The following GLIS1 variants were observed in gnomAD, a reference collection of about 807,000 sequenced individuals.
GLIS1 encodes GLIS family zinc finger 1, also known as zinc finger protein GLIS1.
A neutral mutation model predicts 63.8 loss-of-function variants in GLIS1; 24 were observed. The observed-to-expected ratio is 0.38, with a 90% CI of 0.27 to 0.53. GLIS1 has a LOEUF of 0.53. GLIS1 is among the 20% of genes least tolerant of loss of function. GLIS1 has a pLI of 0.85. For missense variants in GLIS1, 1,036 were observed against 1,074.1 expected (o/e 0.96, Z 0.50); for synonymous variants, 450 against 482.5 (o/e 0.93, Z 0.88).
chr1:53,683,307 A>AT (rs1646296569), intron 2 of GLIS1, among the ~76,000 whole-genome samples: 1 of 150,996 alleles, frequency 6.6e-6, no homozygotes, highest in African/African-American at 2.4e-5. Flanking sequence ...CACCGCGTGA[A>AT]TGTGATTATA....
chr1:53,675,741 G>C (rs545095265), intron 2 of GLIS1, among the ~76,000 whole-genome samples: 1 of 152,162 alleles, frequency 6.6e-6, no homozygotes, highest in Admixed American at 6.5e-5. Flanking sequence ...CTCTCACACA[G>C]AGGCACAGAG....
intron 2 of GLIS1, among the ~76,000 whole-genome samples, chr1:53,620,625 G>A (rs1208740181): frequency 2.0e-5 from 3 of 152,360 alleles, no homozygotes; most frequent in Non-Finnish European, 2.9e-5. Flanking sequence ...GCTCTCATCC[G>A]CAGCTGGGCC....
chr1:53,569,406 T>C (rs1239290808), intron 4 of GLIS1, among the ~76,000 whole-genome samples: 1 of 152,124 alleles, frequency 6.6e-6, no homozygotes, highest in Non-Finnish European at 1.5e-5. Context: ...GGCAGGGGTA[T>C]AGGGTAACTC....
intron 2 of GLIS1, among the ~76,000 whole-genome samples, chr1:53,621,852 C>T (rs535203056): frequency 6.6e-6 from 1 of 152,118 alleles, no homozygotes; most frequent in African/African-American, 2.4e-5. Context: ...CTCACTCTCG[C>T]CAGGTTGGAG....
At chr1:53,676,928 C>A (rs1646218817) in intron 2 of GLIS1, among the ~76,000 whole-genome samples, 1 of 152,216 alleles carries the variant, frequency 6.6e-6, no homozygotes, top group African/African-American at 2.4e-5. Context: ...GCCTTCAAAT[C>A]CCACTTACCG....
chr1:53,583,826 C>A (rs1388637291), intron 4 of GLIS1, among the ~76,000 whole-genome samples: 2 of 152,140 alleles, frequency 1.3e-5, no homozygotes, highest in Admixed American at 1.3e-4. Flanking sequence ...ATTGTGGGGA[C>A]GGGTGGAAAA....
intron 2 of GLIS1, among the ~76,000 whole-genome samples, chr1:53,687,893 G>T (rs556991536): frequency 6.6e-6 from 1 of 152,172 alleles, no homozygotes; most frequent in East Asian, 1.9e-4. Context: ...ACCCCAACTC[G>T]GGGAGCTGGT....
Position 53,506,431 on chromosome 1 carries a change from G to A in GLIS1, c.*188C>T. 1 of 614,396 alleles carries A rather than the reference G, an allele frequency of 1.6e-6. No individual in the cohort carries two copies. Among genetic ancestry groups the A allele is most frequent in the Non-Finnish European group, 2.8e-6 (1 of 351,848 alleles). The allele number at this position is 614,396 out of a possible 1,614,324, so 38.1% of individuals were successfully genotyped here. ...CCTGGCGGGCACCTCTGTGCGCCCAGCTCAAGCTCGGATGGCGGCTCCCTG... is the reference window on the plus strand; with the variant it reads ...CCTGGCGGGCACCTCTGTGCGCCCAACTCAAGCTCGGATGGCGGCTCCCTG... On this transcript the variant is annotated 3_prime_UTR_variant, in exon 11 of 11. Transcript: ENST00000628545.
At position 53,601,008 on chromosome 1, in the gene GLIS1, C is replaced by T. The variant is rs867886551; in HGVS notation, c.260-730G>A. ...AGTCAGGCGTGCTTGTTCTAAGCTC[C>T]TTCCCCTCTCTGGGCCTCAGTTTTC... On this transcript the variant is annotated intron_variant, in intron 2 of 10. Coordinates refer to ENST00000628545, the MANE Select transcript of GLIS1 (RefSeq NM_001367484.1). Among the ~76,000 whole-genome samples, 3 of 152,002 alleles carry T rather than the reference C, an allele frequency of 2.0e-5. No homozygotes were observed. The South Asian group carries it at 6.2e-4, about 32-fold the overall frequency.
intron 8 of GLIS1, among the ~76,000 whole-genome samples, chr1:53,513,233 C>A (rs1415295690): frequency 1.3e-5 from 2 of 152,146 alleles, no homozygotes; most frequent in Non-Finnish European, 2.9e-5. Context: ...GCCTTCCGGG[C>A]TCCCCCTCCC....
At chr1:53,675,335 T>C (rs1227630830) in intron 2 of GLIS1, among the ~76,000 whole-genome samples, 1 of 152,142 alleles carries the variant, frequency 6.6e-6, no homozygotes, top group East Asian at 1.9e-4. Flanking sequence ...TTTAGAGATG[T>C]GGCTCAGAGA....
chr1:53,509,235 G>A lies in GLIS1; in HGVS notation c.2115C>T (p.Cys705=). 1 of 1,595,838 alleles carries A rather than the reference G, an allele frequency of 6.3e-7. No homozygotes were observed. Reference sequence around the variant, plus strand: ...CGGCTGCTGGTTCAGCCATCCGGTAGCAGTCGCCATAGGGGAAGCAACTCT... The same window carrying A: ...CGGCTGCTGGTTCAGCCATCCGGTAACAGTCGCCATAGGGGAAGCAACTCT... ...SIQSCFPYGD[C]YRMAEPAAGG... The change falls in exon 10 of 11, where the codon TGC becomes TGT. Residue 705 remains cysteine (C), a synonymous_variant. Coordinates refer to ENST00000628545, the MANE Select transcript of GLIS1 (RefSeq NM_001367484.1).
chr1:53,645,319 T>C (rs1645832762), intron 2 of GLIS1, among the ~76,000 whole-genome samples: 1 of 152,226 alleles, frequency 6.6e-6, no homozygotes, highest in African/African-American at 2.4e-5. Context: ...TGCTCATTTG[T>C]TTCTGTTTCA....
intron 7 of GLIS1, among the ~76,000 whole-genome samples, chr1:53,518,095 G>T (rs146656790): frequency 7.3e-4 from 111 of 152,294 alleles, no homozygotes; most frequent in African/African-American, 2.5e-3. Flanking sequence ...TCTGCCCTGC[G>T]GCCTGCAGAA....
chr1:53,638,918 G>A (rs1252891273), intron 2 of GLIS1, among the ~76,000 whole-genome samples: 2 of 152,150 alleles, frequency 1.3e-5, no homozygotes, highest in Non-Finnish European at 2.9e-5. Flanking sequence ...GACAATCACA[G>A]TCCCTCTTGT....
chr1:53,555,416 G>C (rs1644809010), intron 4 of GLIS1, among the ~76,000 whole-genome samples: 1 of 152,108 alleles, frequency 6.6e-6, no homozygotes, highest in Admixed American at 6.5e-5. Flanking sequence ...TGCAGTCCCA[G>C]CTACTCGGGA....
At chr1:53,599,410 C>T (rs766817451) in intron 3 of GLIS1, among the ~76,000 whole-genome samples, 5 of 152,184 alleles carry the variant, frequency 3.3e-5, no homozygotes, top group South Asian at 4.1e-4. Context: ...TAATGCCCTG[C>T]GCCACCTCGG....
At chr1:53,664,044 G>A (rs1646061410) in intron 2 of GLIS1, among the ~76,000 whole-genome samples, 1 of 152,190 alleles carries the variant, frequency 6.6e-6, no homozygotes, top group South Asian at 2.1e-4. Flanking sequence ...CTCAGAAAAT[G>A]AGGGCAACCC....
chr1:53,549,414 T>G (rs1284583723), intron 4 of GLIS1, among the ~76,000 whole-genome samples: 4 of 152,230 alleles, frequency 2.6e-5, no homozygotes, highest in Non-Finnish European at 4.4e-5. Context: ...GAGTTCCACT[T>G]TCTCCACCTC....
Sources: gnomAD v4.1 joint callset for allele counts (sites outside exome capture counted in the v4.1 genomes callset) on GRCh38, gnomAD v4.1.1 for gene constraint, MANE v1.5 for transcripts, NCBI Gene and HGNC (gene_info 2026-07-23, HGNC 2026-07-21) for gene names.